Variants in SSBP2 observed in about 807,000 individuals in gnomAD.
SSBP2 encodes the protein single-stranded DNA-binding protein 2.
A neutral mutation model predicts 61.8 loss-of-function variants in SSBP2; 17 were observed. The ratio of observed to expected loss-of-function variants is 0.28; its 90% CI spans 0.19 to 0.41. SSBP2 has a LOEUF of 0.41. SSBP2 is among the 10% of genes least tolerant of loss of function. The pLI is 1.00. For missense variants in SSBP2, 310 were observed against 458.7 expected, an observed-to-expected ratio of 0.68 and a Z score of 2.96; for synonymous variants, 139 against 141.3, an observed-to-expected ratio of 0.98 and a Z score of 0.12.
chr5:81,496,183 A>T (rs1432200039), intron 5 of SSBP2, among the ~76,000 whole-genome samples: 1 of 152,072 alleles, frequency 6.6e-6, no homozygotes, highest in Non-Finnish European at 1.5e-5. Context: ...AGAAGTTTTA[A>T]AACTTTTTTT....
chr5:81,433,135 T>C (rs376782653), intron 15 of SSBP2, among the ~76,000 whole-genome samples: 1 of 151,918 alleles, frequency 6.6e-6, no homozygotes, highest in East Asian at 1.9e-4. Context: ...GAACGGGCCA[T>C]GATGACAATG....
chr5:81,563,727 A>G (rs1268988363), intron 4 of SSBP2, among the ~76,000 whole-genome samples: 4 of 152,196 alleles, frequency 2.6e-5, no homozygotes, highest in Non-Finnish European at 4.4e-5. Context: ...ATCTTATACC[A>G]TACACAAAAA....
At chr5:81,568,591 A>G (rs1773613652) in intron 4 of SSBP2, among the ~76,000 whole-genome samples, 1 of 152,218 alleles carries the variant, frequency 6.6e-6, no homozygotes, top group African/African-American at 2.4e-5. Context: ...GTTTACTCCA[A>G]AACATATGCT....
At chr5:81,609,310 T>C (rs2153582429) in intron 4 of SSBP2, among the ~76,000 whole-genome samples, 1 of 152,308 alleles carries the variant, frequency 6.6e-6, no homozygotes, top group South Asian at 2.1e-4. Context: ...TTTTCCAACT[T>C]CATCCAGTTT....
intron 4 of SSBP2, among the ~76,000 whole-genome samples, chr5:81,532,343 C>A (rs1236429330): frequency 1.3e-5 from 2 of 152,046 alleles, no homozygotes; most frequent in Non-Finnish European, 2.9e-5. Context: ...TTTATCTACA[C>A]AGTCCACATC....
chr5:81,594,391 T>C (rs1011199319), intron 4 of SSBP2, among the ~76,000 whole-genome samples: 24 of 152,076 alleles, frequency 1.6e-4, no homozygotes, highest in African/African-American at 5.6e-4. Flanking sequence ...ACAATAATAA[T>C]GGGAGACTTT....
At chr5:81,475,924 T>A (rs1765556191) in intron 6 of SSBP2, among the ~76,000 whole-genome samples, 1 of 152,084 alleles carries the variant, frequency 6.6e-6, no homozygotes, top group Non-Finnish European at 1.5e-5. Flanking sequence ...ACAGAGGAAT[T>A]ATCCCAGATT....
At position 81,587,759 on chromosome 5, in the gene SSBP2, G is replaced by A. The variant is rs1320329774; in HGVS notation, c.282+27714C>T. On this transcript the variant is annotated intron_variant, in intron 4 of 16. Coordinates refer to ENST00000320672, the MANE Select transcript of SSBP2 (RefSeq NM_012446.5). ...CATACACACACACGCACACACACGCGCGCGCACACACACACACACACACAC... is the reference window on the plus strand; with the variant it reads ...CATACACACACACGCACACACACGCACGCGCACACACACACACACACACAC... Among the ~76,000 whole-genome samples the A allele has an allele frequency of 6.7e-5, 9 of 134,118 alleles. No homozygotes were observed. In the East Asian group the frequency reaches 1.6e-3, roughly 24 times the overall value. The allele number at this position is 134,118 out of a possible 152,430, so 88.0% of individuals were successfully genotyped here. A position where few individuals can be genotyped will look rare whatever the true frequency, so the allele number is the denominator to read the frequency against.
chr5:81,665,671 T>C (rs115196798), intron 1 of SSBP2, among the ~76,000 whole-genome samples: 16 of 152,044 alleles, frequency 1.1e-4, no homozygotes, highest in African/African-American at 3.9e-4. Context: ...TTTTTTATTA[T>C]TATTAGTAGT....
chr5:81,707,391 T>C (rs1288517987), intron 1 of SSBP2, among the ~76,000 whole-genome samples: 1 of 152,212 alleles, frequency 6.6e-6, no homozygotes, highest in Non-Finnish European at 1.5e-5. Flanking sequence ...CAAATATGAC[T>C]GATGTCCTTA....
chr5:81,468,094 A>AAT (rs1474708242), intron 8 of SSBP2, among the ~76,000 whole-genome samples: 1 of 151,948 alleles, frequency 6.6e-6, no homozygotes, highest in Non-Finnish European at 1.5e-5. Flanking sequence ...AAGTAAACTC[A>AAT]ATATTATCTT....
At chr5:81,425,519 T>C (rs923861248) in intron 16 of SSBP2, among the ~76,000 whole-genome samples, 1 of 152,218 alleles carries the variant, frequency 6.6e-6, no homozygotes, top group African/African-American at 2.4e-5. Flanking sequence ...ATTGATTATA[T>C]TTCAGTGCCA....
Position 81,720,045 on chromosome 5 carries a change from G to A in SSBP2, c.62+30936C>T, listed in dbSNP as rs553179163. 2.0e-5 allele frequency among the ~76,000 whole-genome samples: 3 copies of A among 152,204 alleles called. No individual in the cohort carries two copies. In the East Asian group the frequency reaches 5.8e-4, roughly 29 times the overall value. ...CTCTGGGAATTATCCAGCCCTGGAG[G>A]AGTAGTCTGCCCGCAAGCCAGCAAG... is the stretch of plus-strand genomic sequence containing the variant. On this transcript the variant is annotated intron_variant, in intron 1 of 16. Coordinates refer to ENST00000320672, the MANE Select transcript of SSBP2 (RefSeq NM_012446.5).
chr5:81,473,983 T>C (rs1340858250), intron 7 of SSBP2, among the ~76,000 whole-genome samples: 1 of 152,180 alleles, frequency 6.6e-6, no homozygotes, highest in Non-Finnish European at 1.5e-5. Flanking sequence ...CTCCCTATTC[T>C]GTGGTGAATT....
chr5:81,691,284 T>C (rs1328422398), intron 1 of SSBP2, among the ~76,000 whole-genome samples: 1 of 151,928 alleles, frequency 6.6e-6, no homozygotes, highest in African/African-American at 2.4e-5. Flanking sequence ...GTTGTTTTTT[T>C]CCAAAGATAA....
intron 4 of SSBP2, among the ~76,000 whole-genome samples, chr5:81,577,918 T>C (rs1774354043): frequency 6.6e-6 from 1 of 152,026 alleles, no homozygotes; most frequent in African/African-American, 2.4e-5. Context: ...TACCAGATTG[T>C]ACTAAACACA....
intron 1 of SSBP2, among the ~76,000 whole-genome samples, chr5:81,694,867 A>G (rs1753484941): frequency 6.6e-6 from 1 of 152,220 alleles, no homozygotes; most frequent in Non-Finnish European, 1.5e-5. Flanking sequence ...GACTAGAAGT[A>G]CAAGGCACAT....
intron 1 of SSBP2, among the ~76,000 whole-genome samples, chr5:81,745,762 G>A (rs1006009694): frequency 6.6e-6 from 1 of 151,982 alleles, no homozygotes; most frequent in African/African-American, 2.4e-5. Context: ...TAATGCAATG[G>A]TTGTGATTTC....
rs1448240593 is a variant in SSBP2, at chr5:81,532,210, G to A, written c.283-18493C>T. ...TAGTATGGAGGAGGAAGTGATCATA[G>A]ATAAAAAGGCCAGATGTGAAAATTA... On this transcript the variant is annotated intron_variant, in intron 4 of 16. Transcript: ENST00000320672. 5.3e-5 allele frequency among the ~76,000 whole-genome samples: 8 copies of A among 152,148 alleles called. No individual in the cohort carries two copies. The East Asian group carries it at 1.5e-3, about 29-fold the overall frequency.
Sources: gnomAD v4.1 joint callset for allele counts (sites outside exome capture counted in the v4.1 genomes callset) on GRCh38, gnomAD v4.1.1 for gene constraint, MANE v1.5 for transcripts, NCBI Gene and HGNC (gene_info 2026-07-23, HGNC 2026-07-21) for gene names.